UNC79: variants seen among roughly 807,000 people sequenced by gnomAD.
UNC79 encodes the protein protein unc-79 homolog.
Under a neutral mutation model 283.1 loss-of-function variants are expected in UNC79, and 37 were observed. The observed-to-expected ratio is 0.13, with a 90% CI of 0.10 to 0.17. The LOEUF (loss-of-function observed/expected upper bound fraction) is 0.17, where lower values mean the gene tolerates loss of function less well. UNC79 is among the 10% of genes least tolerant of loss of function. The probability of loss-of-function intolerance (pLI) is 1.00; values close to 1 mark genes in which losing one functional copy is unlikely to be tolerated. For synonymous variants in UNC79, 1,107 were observed against 1,200.2 expected, an observed-to-expected ratio of 0.92 and a Z score of 1.61; for missense variants, 2,272 against 3,211.1, an observed-to-expected ratio of 0.71 and a Z score of 7.07.
At chr14:93,654,586 T>A (rs2070708760) in intron 37 of UNC79, among the ~76,000 whole-genome samples, 1 of 150,566 alleles carries the variant, frequency 6.6e-6, no homozygotes, top group African/African-American at 2.5e-5. Flanking sequence ...ATTTTAAAAA[T>A]TAACATAATT....
At chr14:93,465,966 T>C (rs2057160463) in intron 1 of UNC79, among the ~76,000 whole-genome samples, 2 of 152,178 alleles carry the variant, frequency 1.3e-5, no homozygotes, top group Admixed American at 1.3e-4. Context: ...TGTAGTATGG[T>C]TTTTGAAATA....
chr14:93,539,743 A>G (rs1404161245), intron 12 of UNC79, among the ~76,000 whole-genome samples: 2 of 152,074 alleles, frequency 1.3e-5, no homozygotes, highest in Non-Finnish European at 2.9e-5. Flanking sequence ...TTATGTTCTA[A>G]TTTTATTTAA....
At chr14:93,607,969 G>T (rs2066004264) in intron 26 of UNC79, among the ~76,000 whole-genome samples, 1 of 152,138 alleles carries the variant, frequency 6.6e-6, no homozygotes, top group African/African-American at 2.4e-5. Context: ...TGTTTTTATA[G>T]GAATACTCTT....
intron 33 of UNC79, among the ~76,000 whole-genome samples, chr14:93,642,716 C>T (rs2140222290): frequency 6.6e-6 from 1 of 152,222 alleles, no homozygotes. Context: ...AATGTGAATC[C>T]TGTATTTTAA....
chr14:93,648,581 G>A (rs192484793), intron 35 of UNC79, among the ~76,000 whole-genome samples: 5 of 152,250 alleles, frequency 3.3e-5, no homozygotes, highest in African/African-American at 1.2e-4. Flanking sequence ...GGGTGGGCGG[G>A]TGTGGCATTT....
intron 2 of UNC79, among the ~76,000 whole-genome samples, chr14:93,468,223 T>C (rs529015700): frequency 2.0e-5 from 3 of 152,342 alleles, no homozygotes; most frequent in Admixed American, 2.0e-4. Context: ...AATAGTTATT[T>C]TTAATCTGGG....
chr14:93,547,172 A>T (rs941350965), intron 14 of UNC79, among the ~76,000 whole-genome samples: 1 of 152,238 alleles, frequency 6.6e-6, no homozygotes, highest in Non-Finnish European at 1.5e-5. Flanking sequence ...AAGCATAAAG[A>T]TGTATCATGC....
At chr14:93,388,250 TAC>T (rs1406653239) in intron 1 of UNC79, among the ~76,000 whole-genome samples, 1 of 152,170 alleles carries the variant, frequency 6.6e-6, no homozygotes, top group East Asian at 1.9e-4. Flanking sequence ...TAGGTGGGAC[TAC>T]AGGCACATAC....
intron 7 of UNC79, among the ~76,000 whole-genome samples, chr14:93,503,452 C>G (rs1015887940): frequency 6.6e-6 from 1 of 152,004 alleles, no homozygotes; most frequent in Non-Finnish European, 1.5e-5. Context: ...GTACATATAT[C>G]CAACTTTAAT....
intron 5 of UNC79, among the ~76,000 whole-genome samples, chr14:93,494,234 A>G (rs1255812092): frequency 6.6e-6 from 1 of 152,100 alleles, no homozygotes; most frequent in African/African-American, 2.4e-5. Context: ...TGAGAACTCT[A>G]TCATGAGAAC....
At chr14:93,514,903 CT>C (rs1361897085) in intron 7 of UNC79, among the ~76,000 whole-genome samples, 2 of 152,186 alleles carry the variant, frequency 1.3e-5, no homozygotes, top group Non-Finnish European at 2.9e-5. Context: ...TCAATACCAG[CT>C]TTTTATTATG....
At chr14:93,427,187 C>G (rs1276645774), upstream of UNC79, among the ~76,000 whole-genome samples, 1 of 152,160 alleles carries the variant, frequency 6.6e-6, no homozygotes, top group Non-Finnish European at 1.5e-5. Context: ...TACTGTGGCT[C>G]TCTCTTTCTC....
At chr14:93,496,620 AATTATTT>A (rs907312757) in intron 6 of UNC79, among the ~76,000 whole-genome samples, 154 bp downstream of exon 6, 27 of 152,174 alleles carry the variant, frequency 1.8e-4, no homozygotes, top group African/African-American at 6.5e-4. Flanking sequence ...TTTAATGGTT[AATTATTT>A]ATCATTTAGA....
chr14:93,570,772 C>T (rs1440690066), intron 14 of UNC79, among the ~76,000 whole-genome samples: 1 of 152,140 alleles, frequency 6.6e-6, no homozygotes, highest in Non-Finnish European at 1.5e-5. Flanking sequence ...TCTTCCAACC[C>T]AAAGGATCTG....
At chr14:93,558,624 TTTTTTTTTTTTTTA>T (rs2062347384) in intron 14 of UNC79, among the ~76,000 whole-genome samples, 1 of 95,484 alleles carries the variant, frequency 1.0e-5, no homozygotes, top group African/African-American at 4.5e-5. Flanking sequence ...TTTTTTTTTT[TTTTTTTTTTTTTTA>T]CCATTTACTT....
At chr14:93,406,524 G>T (rs1257155512) in intron 1 of UNC79, among the ~76,000 whole-genome samples, 1 of 152,176 alleles carries the variant, frequency 6.6e-6, no homozygotes, top group Non-Finnish European at 1.5e-5. Context: ...GAAGCTTGAG[G>T]CCACAGTGAA....
chr14:93,652,409 C>T (rs752879161), intron 35 of UNC79, among the ~76,000 whole-genome samples: 2 of 152,084 alleles, frequency 1.3e-5, no homozygotes. Flanking sequence ...GTGTGTGCCA[C>T]CATGCCCAGC....
At chr14:93,655,351 A>G (rs369589508) in exon 38 of UNC79, 2 of 1,614,162 alleles carry the variant, frequency 1.2e-6, no homozygotes, top group Non-Finnish European at 1.7e-6. Flanking sequence ...CTGGACCACA[A>G]TTAGCAACCA....
intron 7 of UNC79, among the ~76,000 whole-genome samples, chr14:93,523,135 G>A (rs1343355686): frequency 6.6e-6 from 1 of 152,078 alleles, no homozygotes; most frequent in Non-Finnish European, 1.5e-5. Context: ...TGTTTTTAAT[G>A]ATGGAATATT....
Sources: gnomAD v4.1 joint callset for allele counts (sites outside exome capture counted in the v4.1 genomes callset) on GRCh38, gnomAD v4.1.1 for gene constraint, MANE v1.5 for transcripts, NCBI Gene and HGNC (gene_info 2026-07-23, HGNC 2026-07-21) for gene names.